Variants in SLC4A4 observed in about 807,000 individuals in gnomAD.
SLC4A4 encodes solute carrier family 4 member 4.
A neutral mutation model predicts 111.5 loss-of-function variants in SLC4A4; 27 were observed. The ratio of observed to expected loss-of-function variants is 0.24; its 90% CI spans 0.18 to 0.33. SLC4A4 has a LOEUF of 0.33. Ranked by LOEUF, SLC4A4 falls within the 10% of genes least tolerant of loss-of-function variation. The pLI is 1.00. For missense variants in SLC4A4, 909 were observed against 1,315.5 expected, an observed-to-expected ratio of 0.69 and a Z score of 4.78; for synonymous variants, 443 against 463.4, an observed-to-expected ratio of 0.96 and a Z score of 0.57.
chr4:71,067,792 A>T (rs1250682270), intron 1 of SLC4A4, among the ~76,000 whole-genome samples: 1 of 151,716 alleles, frequency 6.6e-6, no homozygotes, highest in African/African-American at 2.4e-5. Flanking sequence ...TTTGCTGCCC[A>T]GTCTAGAGTG....
At chr4:71,264,580 T>A (rs574883869) in intron 3 of SLC4A4, among the ~76,000 whole-genome samples, 1 of 152,202 alleles carries the variant, frequency 6.6e-6, no homozygotes, top group South Asian at 2.1e-4. Context: ...GCAATTTCTG[T>A]TACCAAGGTA....
chr4:71,271,734 T>C (rs954537113), intron 3 of SLC4A4, among the ~76,000 whole-genome samples: 1 of 152,200 alleles, frequency 6.6e-6, no homozygotes, highest in East Asian at 1.9e-4. Flanking sequence ...AAGATAATGC[T>C]CTCAACAAAA....
At chr4:71,398,564 T>A (rs1720055359) in intron 7 of SLC4A4, among the ~76,000 whole-genome samples, 1 of 152,094 alleles carries the variant, frequency 6.6e-6, no homozygotes, top group African/African-American at 2.4e-5. Flanking sequence ...AAATGATGCT[T>A]CCTAAATGAA....
intron 1 of SLC4A4, among the ~76,000 whole-genome samples, chr4:71,089,185 T>C (rs899321037): frequency 2.6e-5 from 4 of 152,082 alleles, no homozygotes; most frequent in Non-Finnish European, 5.9e-5. Context: ...TTCCAGGTGA[T>C]CGATCGGCTA....
chr4:71,350,001 A>C lies in SLC4A4; in HGVS notation c.479A>C (p.Glu160Ala). 6.2e-7 allele frequency: 1 copy of C among 1,614,038 alleles called. No individual in the cohort carries two copies. Among genetic ancestry groups the C allele is most frequent in the Non-Finnish European group, 8.5e-7 (1 of 1,179,972 alleles). Residue 160 changes from glutamate (E) to alanine (A), a missense_variant, in exon 5 of 26, where the codon GAG (glutamate) becomes GCG (alanine). Around this residue, in one of 7 missense-constraint regions of SLC4A4, gnomAD observed 312 missense variants for 402.0 expected, o/e 0.78. Transcript: ENST00000264485. ...ACATTGTCCCTTCATAGTTTATTTG[A>C]GCTGAGGACATGTATGGAGAAAGGA... ...VATLSLHSLFELRTCMEKGSI... is the reference protein window; with the variant it reads ...VATLSLHSLFALRTCMEKGSI...
chr4:71,216,995 T>TA (rs1358107227), intron 1 of SLC4A4, among the ~76,000 whole-genome samples: 2 of 152,188 alleles, frequency 1.3e-5, no homozygotes, highest in African/African-American at 2.4e-5. Context: ...AATGGAGGCT[T>TA]AGAGAGTTGG....
intron 2 of SLC4A4, among the ~76,000 whole-genome samples, chr4:71,236,964 T>A (rs1020173031): frequency 6.6e-6 from 1 of 152,234 alleles, no homozygotes; most frequent in Non-Finnish European, 1.5e-5. Context: ...TTCCAATGAC[T>A]AATTCAAGAA....
chr4:71,422,128 GAC>G (rs1381434449), intron 7 of SLC4A4, among the ~76,000 whole-genome samples: 10 of 142,356 alleles, frequency 7.0e-5, no homozygotes, highest in Admixed American at 6.3e-4. Context: ...GAATCAAATA[GAC>G]ACAATAAAAA....
intron 1 of SLC4A4, among the ~76,000 whole-genome samples, chr4:71,198,928 C>T (rs968691732): frequency 2.6e-5 from 4 of 152,188 alleles, no homozygotes; most frequent in African/African-American, 9.7e-5. Flanking sequence ...AAACTGGATA[C>T]TCTAACAGGA....
chr4:71,563,055 T>C (rs1737138472), intron 23 of SLC4A4, among the ~76,000 whole-genome samples: 2 of 151,806 alleles, frequency 1.3e-5, no homozygotes, highest in Non-Finnish European at 2.9e-5. Context: ...GTGGTAATCT[T>C]TGGGAAATCT....
intron 4 of SLC4A4, among the ~76,000 whole-genome samples, chr4:71,341,376 T>C (rs1433755956): frequency 1.3e-5 from 2 of 152,178 alleles, no homozygotes; most frequent in East Asian, 1.9e-4. Flanking sequence ...CTTCTGTGGT[T>C]ATAGATGGAA....
chr4:71,276,273 A>G (rs1382119118), intron 3 of SLC4A4, among the ~76,000 whole-genome samples: 1 of 152,234 alleles, frequency 6.6e-6, no homozygotes, highest in African/African-American at 2.4e-5. Flanking sequence ...GTGTAATATC[A>G]AAACCAGGAA....
chr4:71,479,813 C>A (rs772670728), intron 14 of SLC4A4, among the ~76,000 whole-genome samples: 5 of 151,584 alleles, frequency 3.3e-5, no homozygotes, highest in Non-Finnish European at 4.4e-5. Flanking sequence ...CTGTCTTAAC[C>A]TATGTTTTAG....
Position 71,490,911 on chromosome 4 carries a change from C to G in SLC4A4, c.1974+3893C>G, listed in dbSNP as rs551779376. ...GTTATAGTGAGCTACAATCATGCCA[C>G]TGCACTCCAGACTGAGCAATAGAGT... On this transcript the variant is annotated intron_variant, in intron 15 of 25. Transcript: ENST00000264485. 2.6e-5 allele frequency among the ~76,000 whole-genome samples: 4 copies of G among 151,926 alleles called. No homozygotes were observed. In the South Asian group the frequency reaches 8.3e-4, roughly 31 times the overall value.
intron 21 of SLC4A4, among the ~76,000 whole-genome samples, chr4:71,556,823 A>T (rs1253238583): frequency 6.6e-6 from 1 of 151,962 alleles, no homozygotes; most frequent in Non-Finnish European, 1.5e-5. Flanking sequence ...GGTCTAATTT[A>T]CTTTTGCACT....
intron 3 of SLC4A4, among the ~76,000 whole-genome samples, chr4:71,336,934 T>G (rs1313220876): frequency 6.6e-6 from 1 of 152,238 alleles, no homozygotes; most frequent in African/African-American, 2.4e-5. Flanking sequence ...TTGCCTTCAT[T>G]CTTGTTGTCC....
chr4:71,156,567 CGCGCATGCGCGCGCGCGCG>C (rs1560749349), intron 2 of SLC4A4, among the ~76,000 whole-genome samples: 2 of 15,880 alleles, frequency 1.3e-4, no homozygotes, highest in African/African-American at 1.9e-4. Context: ...TAAGTGTGTG[CGCGCATGCGCGCGCGCGCG>C]CGCACACACA....
chr4:71,371,611 T>C (rs574347131), intron 6 of SLC4A4, among the ~76,000 whole-genome samples: 3 of 152,256 alleles, frequency 2.0e-5, no homozygotes, highest in Non-Finnish European at 1.5e-5. Context: ...TTCCATCTCC[T>C]TTGTAAAATA....
chr4:71,455,625 TC>T (rs1025802709), intron 12 of SLC4A4, among the ~76,000 whole-genome samples: 1 of 152,170 alleles, frequency 6.6e-6, no homozygotes, highest in African/African-American at 2.4e-5. Context: ...AAAACTGTCT[TC>T]CGTCTGTCAG....
Sources: gnomAD v4.1 joint callset for allele counts (sites outside exome capture counted in the v4.1 genomes callset) on GRCh38, gnomAD v4.1.1 for gene constraint, gnomAD v4.1.1 regional missense constraint, MANE v1.5 for transcripts, NCBI Gene and HGNC (gene_info 2026-07-23, HGNC 2026-07-21) for gene names.